Variants in SIPA1L2 observed in about 807,000 individuals in gnomAD.
The protein encoded by SIPA1L2 is signal-induced proliferation-associated 1-like protein 2.
In SIPA1L2, 56 loss-of-function variants were observed where a neutral mutation model predicts 163.9. The ratio of observed to expected loss-of-function variants is 0.34; its 90% confidence interval spans 0.28 to 0.43. SIPA1L2 has a LOEUF of 0.43. Among genes scored for constraint, SIPA1L2 ranks in the 20% least tolerant of loss-of-function variants. The pLI is 1.00. For synonymous variants in SIPA1L2, 877 were observed against 865.7 expected, an observed-to-expected ratio of 1.01 and a Z score of -0.23; for missense variants, 1,974 against 2,193.5, an observed-to-expected ratio of 0.90 and a Z score of 2.00.
Position 232,480,154 on chromosome 1 carries a change from CGTGTGTGT to C in SIPA1L2, c.1982-432_1982-425del, listed in dbSNP as rs536840154. Among the ~76,000 whole-genome samples, 382 of 132,814 alleles carry C rather than the reference CGTGTGTGT, an allele frequency of 2.9e-3. 1 individual carries two copies. The highest frequency in any genetic ancestry group is 9.8e-3 in the African/African-American group (329 of 33,436). 87.1% of individuals were successfully genotyped at this position (132,814 alleles called of 152,430 possible). A position where few individuals can be genotyped will look rare whatever the true frequency, so the allele number is the denominator to read the frequency against. ...CTGGCCGCATCTGTGTGTGTGTGTG[CGTGTGTGT>C]GTGTGTGTGTGTGTGTGTGTGTGTG... On this transcript the variant is annotated intron_variant, in intron 6 of 22. Transcript: ENST00000674635.
intron 3 of SIPA1L2, among the ~76,000 whole-genome samples, chr1:232,510,527 T>C (rs1666934134): frequency 6.6e-6 from 1 of 152,102 alleles, no homozygotes; most frequent in Non-Finnish European, 1.5e-5. Context: ...AGCTTATTTA[T>C]TTCACATTCA....
intron 18 of SIPA1L2, among the ~76,000 whole-genome samples, chr1:232,423,354 G>A (rs1052189925): frequency 6.6e-6 from 1 of 152,172 alleles, no homozygotes; most frequent in Admixed American, 6.5e-5. Flanking sequence ...GTGGTAGTCA[G>A]AAGGCCAGGG....
chr1:232,577,205 C>T (rs1660123884), intron 1 of SIPA1L2, among the ~76,000 whole-genome samples: 1 of 152,158 alleles, frequency 6.6e-6, no homozygotes, highest in African/African-American at 2.4e-5. Context: ...ATCTACTCTG[C>T]CCGTGCTCTA....
intron 1 of SIPA1L2, among the ~76,000 whole-genome samples, chr1:232,582,973 TTAAC>T (rs1343498665): frequency 1.1e-4 from 16 of 152,294 alleles, no homozygotes; most frequent in African/African-American, 3.8e-4. Context: ...CTAAAAAGCT[TTAAC>T]TACTCCACAA....
intron 3 of SIPA1L2, among the ~76,000 whole-genome samples, chr1:232,502,717 G>C (rs115027612): frequency 5.9e-5 from 9 of 152,308 alleles, no homozygotes; most frequent in African/African-American, 2.2e-4. Context: ...CAGACTCACA[G>C]CTTTTATGCC....
chr1:232,509,345 G>A (rs926198760), intron 3 of SIPA1L2, among the ~76,000 whole-genome samples: 8 of 152,174 alleles, frequency 5.3e-5, no homozygotes, highest in African/African-American at 1.4e-4. Flanking sequence ...CCATGATTGG[G>A]AGCCAGTTAA....
At chr1:232,408,196 TGACTCCGCCAGCTTTTCAA>T (rs2102756812) in intron 19 of SIPA1L2, among the ~76,000 whole-genome samples, 1 of 151,996 alleles carries the variant, frequency 6.6e-6, no homozygotes, top group Non-Finnish European at 1.5e-5. Flanking sequence ...GTCTAAAATG[TGACTCCGCCAGCTTTTCAA>T]ACTTGACCTT....
chr1:232,542,134 G>T (rs983147966), intron 2 of SIPA1L2, among the ~76,000 whole-genome samples: 1 of 152,224 alleles, frequency 6.6e-6, no homozygotes, highest in African/African-American at 2.4e-5. Context: ...GCACTGGACT[G>T]CTACCATCTA....
chr1:232,535,849 G>A (rs1657272875), intron 2 of SIPA1L2, among the ~76,000 whole-genome samples: 1 of 152,172 alleles, frequency 6.6e-6, no homozygotes, highest in African/African-American at 2.4e-5. Flanking sequence ...TAGGCCTACT[G>A]ATTTTTTACA....
chr1:232,488,988 C>T (rs1665787516), intron 5 of SIPA1L2, among the ~76,000 whole-genome samples: 2 of 152,198 alleles, frequency 1.3e-5, no homozygotes, highest in South Asian at 4.1e-4. Context: ...CTTGTAGCTG[C>T]CATGATGTCT....
At chr1:232,433,771 C>T (rs1314508207) in intron 15 of SIPA1L2, among the ~76,000 whole-genome samples, 2 of 152,126 alleles carry the variant, frequency 1.3e-5, no homozygotes, top group Non-Finnish European at 2.9e-5. Context: ...AATTATAGGT[C>T]TAATCTCAGC....
chr1:232,614,999 C>T (rs975474133), intron 1 of SIPA1L2, among the ~76,000 whole-genome samples: 1 of 152,210 alleles, frequency 6.6e-6, no homozygotes, highest in Non-Finnish European at 1.5e-5. Flanking sequence ...CCTCTACTCT[C>T]AAAACATTCT....
chr1:232,618,055 A>C (rs1269921512), intron 1 of SIPA1L2, among the ~76,000 whole-genome samples: 1 of 152,214 alleles, frequency 6.6e-6, no homozygotes, highest in East Asian at 1.9e-4. Flanking sequence ...AGAGGTGTCC[A>C]CTACACCACA....
At chr1:232,541,258 TA>T (rs1657650891) in intron 2 of SIPA1L2, among the ~76,000 whole-genome samples, 1 of 87,320 alleles carries the variant, frequency 1.1e-5, no homozygotes, top group Non-Finnish European at 2.5e-5. Context: ...TAACATAACA[TA>T]ACATAACATA....
intron 3 of SIPA1L2, among the ~76,000 whole-genome samples, chr1:232,511,225 G>C (rs1666965251): frequency 6.6e-6 from 1 of 152,186 alleles, no homozygotes; most frequent in Admixed American, 6.5e-5. Flanking sequence ...CCACTGGCTG[G>C]AAGGAAGTAA....
intron 1 of SIPA1L2, among the ~76,000 whole-genome samples, chr1:232,590,931 T>C (rs1027598152): frequency 6.6e-6 from 1 of 151,718 alleles, no homozygotes; most frequent in Non-Finnish European, 1.5e-5. Flanking sequence ...TTTGTAAGAG[T>C]TTCCTCAACA....
chr1:232,456,748 C>G (rs1279913361), intron 10 of SIPA1L2, among the ~76,000 whole-genome samples: 6 of 152,196 alleles, frequency 3.9e-5, no homozygotes, highest in Non-Finnish European at 8.8e-5. Flanking sequence ...CAAGACAGAT[C>G]TTAATTAAGC....
intron 1 of SIPA1L2, among the ~76,000 whole-genome samples, chr1:232,604,656 T>C (rs989235016): frequency 6.6e-6 from 1 of 152,116 alleles, no homozygotes; most frequent in Non-Finnish European, 1.5e-5. Context: ...CCAAATCTCA[T>C]GTTGAATTGT....
At chr1:232,511,185 A>T (rs1666962314) in intron 3 of SIPA1L2, among the ~76,000 whole-genome samples, 1 of 152,150 alleles carries the variant, frequency 6.6e-6, no homozygotes, top group Non-Finnish European at 1.5e-5. Context: ...CACAGCAGAG[A>T]CAAAAAAGCA....
Sources: allele counts gnomAD v4.1 joint callset (sites outside exome capture counted in the v4.1 genomes callset), GRCh38; gene constraint gnomAD v4.1.1; transcripts MANE v1.5; gene names NCBI Gene and HGNC (gene_info 2026-07-23, HGNC 2026-07-21).